The following FAM210A variants were observed in gnomAD, a reference collection of about 807,000 sequenced individuals.
FAM210A encodes mitochondrial inner membrane scaffold 1, also known as family with sequence similarity 210 member A.
In FAM210A, 13 loss-of-function variants were observed where a neutral mutation model predicts 25.3. The observed-to-expected ratio is 0.51, with a 90% CI of 0.33 to 0.82. FAM210A has a LOEUF of 0.82. FAM210A is among the 40% of genes least tolerant of loss of function. The pLI is 0.02. For synonymous variants in FAM210A, 125 were observed against 118.7 expected, an observed-to-expected ratio of 1.05 and a Z score of -0.35; for missense variants, 319 against 323.2, an observed-to-expected ratio of 0.99 and a Z score of 0.10.
At chr18:13,715,653 T>C (rs1346756026) in intron 1 of FAM210A, among the ~76,000 whole-genome samples, 2 of 152,244 alleles carry the variant, frequency 1.3e-5, no homozygotes, top group Non-Finnish European at 2.9e-5. Flanking sequence ...CTTCAAGATA[T>C]CACCAAACTT....
At chr18:13,724,430 G>C (rs1268862385) in intron 1 of FAM210A, among the ~76,000 whole-genome samples, 2 of 151,962 alleles carry the variant, frequency 1.3e-5, no homozygotes, top group African/African-American at 4.8e-5. Flanking sequence ...TATACCACTG[G>C]GTTCGGTTAG....
chr18:13,719,963 A>G (rs913434362), intron 1 of FAM210A, among the ~76,000 whole-genome samples: 27 of 152,230 alleles, frequency 1.8e-4, no homozygotes, highest in Non-Finnish European at 3.1e-4. Context: ...CTCAAGGATG[A>G]CATGCTTAGT....
chr18:13,714,381 A>G (rs2043844801), intron 1 of FAM210A, among the ~76,000 whole-genome samples: 1 of 152,230 alleles, frequency 6.6e-6, no homozygotes, highest in Non-Finnish European at 1.5e-5. Flanking sequence ...ATTCTAGGTT[A>G]AAGTGGAAAT....
At chr18:13,722,627 A>G (rs2043906235) in intron 1 of FAM210A, among the ~76,000 whole-genome samples, 2 of 152,078 alleles carry the variant, frequency 1.3e-5, no homozygotes. Flanking sequence ...TTCCCAATCA[A>G]TGCCCTCATT....
At chr18:13,682,898 T>C (rs1240895008) in intron 1 of FAM210A, among the ~76,000 whole-genome samples, 1 of 152,074 alleles carries the variant, frequency 6.6e-6, no homozygotes, top group Admixed American at 6.6e-5. Flanking sequence ...AAAAATCTCA[T>C]AAAACACACC....
chr18:13,694,696 C>A (rs1568484007), intron 1 of FAM210A, among the ~76,000 whole-genome samples: 1 of 152,192 alleles, frequency 6.6e-6, no homozygotes, highest in Non-Finnish European at 1.5e-5. Flanking sequence ...CCCTTCCTTA[C>A]ACCTTATATG....
chr18:13,701,591 T>C (rs528153473), intron 1 of FAM210A, among the ~76,000 whole-genome samples: 2 of 151,846 alleles, frequency 1.3e-5, no homozygotes, highest in African/African-American at 4.8e-5. Flanking sequence ...TTAGGCAAAA[T>C]AGGATCCTCA....
intron 1 of FAM210A, among the ~76,000 whole-genome samples, chr18:13,712,023 G>GT (rs1207140160): frequency 6.6e-6 from 1 of 152,090 alleles, no homozygotes; most frequent in African/African-American, 2.4e-5. Context: ...GAGAAGCTGT[G>GT]TAAGAATAAA....
intron 1 of FAM210A, among the ~76,000 whole-genome samples, chr18:13,700,445 T>C (rs1372331989): frequency 1.3e-5 from 2 of 152,172 alleles, no homozygotes; most frequent in East Asian, 3.9e-4. Flanking sequence ...AACCTAAGAA[T>C]TGGTTAAGGT....
intron 1 of FAM210A, among the ~76,000 whole-genome samples, chr18:13,717,403 A>T (rs118154485): frequency 2.0e-5 from 3 of 152,132 alleles, no homozygotes; most frequent in Admixed American, 2.0e-4. Context: ...CTAGCCTCCC[A>T]AAGTGCTGGG....
chr18:13,717,727 A>T (rs556480622), intron 1 of FAM210A, among the ~76,000 whole-genome samples: 2 of 152,338 alleles, frequency 1.3e-5, no homozygotes, highest in South Asian at 2.1e-4. Flanking sequence ...ATCAACTTGC[A>T]TGAAAACTGC....
chr18:13,712,275 T>A (rs923095775), intron 1 of FAM210A, among the ~76,000 whole-genome samples: 3 of 152,194 alleles, frequency 2.0e-5, no homozygotes, highest in African/African-American at 7.2e-5. Flanking sequence ...TAGACCTAAC[T>A]ATCATGCTGG....
At chr18:13,674,226 C>T (rs1378037088) in intron 2 of FAM210A, among the ~76,000 whole-genome samples, 3 of 121,496 alleles carry the variant, frequency 2.5e-5, no homozygotes, top group African/African-American at 6.8e-5. Context: ...TCCTGAGCCC[C>T]GACTTTATTT....
intron 1 of FAM210A, among the ~76,000 whole-genome samples, chr18:13,690,721 A>C (rs544054988): frequency 6.6e-6 from 1 of 152,366 alleles, no homozygotes; most frequent in East Asian, 1.9e-4. Context: ...ACTAACAAAC[A>C]GAAAGGACAT....
intron 1 of FAM210A, among the ~76,000 whole-genome samples, chr18:13,707,851 C>T (rs1601964217): frequency 6.6e-6 from 1 of 152,198 alleles, no homozygotes; most frequent in South Asian, 2.1e-4. Flanking sequence ...TGTAACCAAT[C>T]CAGCTGTTTC....
chr18:13,705,731 C>T (rs7228410), intron 1 of FAM210A, among the ~76,000 whole-genome samples: 16,113 of 152,184 alleles, frequency 0.11, 932 homozygotes, highest in South Asian at 0.14. Context: ...CTCAGCTTCT[C>T]GAAGTGCCAG....
intron 2 of FAM210A, among the ~76,000 whole-genome samples, chr18:13,677,844 A>T (rs1445469301): frequency 6.6e-6 from 1 of 152,076 alleles, no homozygotes; most frequent in Non-Finnish European, 1.5e-5. Flanking sequence ...GTAAACTCTT[A>T]ATTTTTAATA....
intron 1 of FAM210A, among the ~76,000 whole-genome samples, chr18:13,693,643 C>T (rs2043668443): frequency 6.6e-6 from 1 of 152,160 alleles, no homozygotes; most frequent in Non-Finnish European, 1.5e-5. Flanking sequence ...AAGACAAAAA[C>T]CACATGATTA....
intron 1 of FAM210A, among the ~76,000 whole-genome samples, chr18:13,709,408 A>G (rs1355780925): frequency 6.6e-6 from 1 of 152,158 alleles, no homozygotes; most frequent in Admixed American, 6.5e-5. Flanking sequence ...GACTTTTTGC[A>G]GTTCCCTCTC....
Sources: allele counts gnomAD v4.1 joint callset (sites outside exome capture counted in the v4.1 genomes callset), GRCh38; gene constraint gnomAD v4.1.1; transcripts MANE v1.5; gene names NCBI Gene and HGNC (gene_info 2026-07-23, HGNC 2026-07-21).